GRIA2: variants seen among roughly 807,000 people sequenced by gnomAD.
GRIA2 encodes glutamate ionotropic receptor AMPA type subunit 2, also known as glutamate receptor 2.
In GRIA2, 14 loss-of-function variants were observed where a neutral mutation model predicts 97.3. The observed-to-expected ratio is 0.14, with a 90% CI of 0.10 to 0.23. The LOEUF is 0.23. GRIA2 is among the 10% of genes least tolerant of loss of function. The pLI, the probability that GRIA2 is intolerant of heterozygous loss-of-function variation, is 1.00. For synonymous variants in GRIA2, 412 were observed against 387.8 expected (o/e 1.06, Z -0.73); for missense variants, 558 against 1,069.8 (o/e 0.52, Z 6.67).
chr4:157,362,667 T>G (rs113305452), intron 14 of GRIA2, 132 bp from the exon 15 acceptor site: 1 of 775,774 alleles, frequency 1.3e-6, no homozygotes. Context: ...TAAGAGAAAA[T>G]CCATTGTTTC....
In GRIA2 at chr4:157,362,865, G is replaced by A; in HGVS notation, c.2473G>A (p.Gly825Ser). ...ATTCTACATCCTTGTCGGGGGCCTT[G>A]GTTTGGCAATGCTGGTGGCTTTGAT... ...GVFYILVGGLGLAMLVALIEF... is the reference protein window; with the variant it reads ...GVFYILVGGLSLAMLVALIEF... The change falls in exon 15 of 16, where the codon GGT (glycine) becomes AGT (serine). Residue 825 changes from glycine to serine, a missense_variant. Coordinates refer to ENST00000264426, the MANE Select transcript of GRIA2 (RefSeq NM_001083619.3). 1 of 1,613,520 alleles carries A rather than the reference G, an allele frequency of 6.2e-7. No homozygotes were observed. The highest frequency in any genetic ancestry group is 1.1e-5 in the South Asian group (1 of 91,066).
chr4:157,239,457 G>T (rs1730399946), intron 2 of GRIA2, among the ~76,000 whole-genome samples: 1 of 151,956 alleles, frequency 6.6e-6, no homozygotes, highest in African/African-American at 2.4e-5. Context: ...AAAAGAACTT[G>T]CCTCTGCCAA....
Position 157,312,683 on chromosome 4 carries a change from A to T in GRIA2, c.474A>T (p.Leu158Phe). ...CATTTTTCTTTGCCTTCCTAGGCTT[A>T]TCAACACTGCAAGCTGTGCTGGATT... ...FAYLYDSDRG[L>F]STLQAVLDSA... The change falls in exon 4 of 16, where the codon TTA becomes TTT. Residue 158 changes from leucine to phenylalanine, a missense_variant. Around this residue, in one of 8 missense-constraint regions of GRIA2, gnomAD observed 173 missense variants for 209.1 expected, o/e 0.83. Transcript: ENST00000264426. 6.3e-7 allele frequency: 1 copy of T among 1,584,860 alleles called. No homozygotes were observed. The highest frequency in any genetic ancestry group is 1.1e-5 in the South Asian group (1 of 87,394).
Position 157,341,257 on chromosome 4 carries a change from T to A in GRIA2, c.1845-7T>A. ...ACTTTACAAATCCATTTCATACTTG[T>A]TATTAGATCCCTCTCTGGGCGCATT... On this transcript the variant is annotated splice_region_variant and splice_polypyrimidine_tract_variant and intron_variant, in intron 11 of 15. Transcript: ENST00000264426. The A allele has an allele frequency of 6.3e-7, 1 of 1,597,584 alleles. No individual in the cohort carries two copies. The highest frequency in any genetic ancestry group is 8.6e-7 in the Non-Finnish European group (1 of 1,165,324).
chr4:157,285,449 C>T (rs1052216633), intron 2 of GRIA2, among the ~76,000 whole-genome samples: 6 of 151,470 alleles, frequency 4.0e-5, no homozygotes, highest in Non-Finnish European at 8.9e-5. Context: ...CTGTGTCTTG[C>T]TTACACTACC....
chr4:157,249,190 C>T (rs1245072090), intron 2 of GRIA2, among the ~76,000 whole-genome samples: 1 of 152,060 alleles, frequency 6.6e-6, no homozygotes, highest in African/African-American at 2.4e-5. Context: ...GGATAAAACA[C>T]AGCCACCAGG....
At chr4:157,242,153 T>A (rs1055979001) in intron 2 of GRIA2, among the ~76,000 whole-genome samples, 1 of 152,134 alleles carries the variant, frequency 6.6e-6, no homozygotes, top group African/African-American at 2.4e-5. Flanking sequence ...GCATATGGTT[T>A]TGAATTTTAA....
chr4:157,231,784 G>A (rs1009884818), intron 2 of GRIA2, among the ~76,000 whole-genome samples: 1 of 151,770 alleles, frequency 6.6e-6, no homozygotes, highest in Non-Finnish European at 1.5e-5. Context: ...TATTATACTG[G>A]TATTATATTT....
At chr4:157,340,771 C>T (rs904976118) in intron 11 of GRIA2, among the ~76,000 whole-genome samples, 7 of 151,590 alleles carry the variant, frequency 4.6e-5, no homozygotes, top group African/African-American at 1.5e-4. Context: ...AAATTTGAGG[C>T]CTTTTTTGTT....
intron 2 of GRIA2, among the ~76,000 whole-genome samples, chr4:157,248,757 T>C (rs1166264986): frequency 4.6e-5 from 6 of 130,816 alleles, no homozygotes; most frequent in Non-Finnish European, 1.6e-5. Context: ...ATACCGACCA[T>C]GGCAGAGAAT....
At chr4:157,306,330 A>C (rs1430955596) in intron 3 of GRIA2, among the ~76,000 whole-genome samples, 1 of 152,190 alleles carries the variant, frequency 6.6e-6, no homozygotes, top group African/African-American at 2.4e-5. Context: ...TAGCCTGTGA[A>C]GATGGATGGA....
At chr4:157,335,431 C>A in intron 9 of GRIA2, 2 of 502,326 alleles carry the variant, frequency 4.0e-6, no homozygotes, top group Non-Finnish European at 7.2e-6. Flanking sequence ...TTTTGAGTAT[C>A]TTGTTAACTC....
intron 12 of GRIA2, among the ~76,000 whole-genome samples, chr4:157,358,085 C>T (rs1011679459): frequency 6.6e-6 from 1 of 151,994 alleles, no homozygotes; most frequent in Non-Finnish European, 1.5e-5. Flanking sequence ...GTGATATTGA[C>T]GTCATGTTTT....
chr4:157,358,137 G>T (rs757231983), intron 12 of GRIA2, among the ~76,000 whole-genome samples: 21 of 152,112 alleles, frequency 1.4e-4, no homozygotes, highest in Non-Finnish European at 2.2e-4. Context: ...GGTTTAGCCA[G>T]ATTGCTTCCT....
intron 2 of GRIA2, among the ~76,000 whole-genome samples, chr4:157,256,056 A>ATG (rs1731226952): frequency 6.7e-6 from 1 of 149,162 alleles, no homozygotes; most frequent in South Asian, 2.1e-4. Context: ...TACTGTGTAT[A>ATG]TGTGTGTGTA....
intron 15 of GRIA2, 54 bp downstream of exon 15, chr4:157,363,101 G>A (rs1375536556): frequency 3.3e-6 from 5 of 1,517,776 alleles, no homozygotes; most frequent in African/African-American, 1.4e-5. Context: ...CTTTCTTGTT[G>A]CGTCCTTAAG....
chr4:157,279,273 A>G (rs921002139), intron 2 of GRIA2, among the ~76,000 whole-genome samples: 3 of 152,180 alleles, frequency 2.0e-5, no homozygotes, highest in African/African-American at 7.2e-5. Flanking sequence ...ATCACTAAAA[A>G]GAACTATCAA....
Position 157,363,466 on chromosome 4 carries a change from C to A in GRIA2, c.*35C>A. ...TTGAATGATGCCATGAGGAACAAGG[C>A]AAGGCTGTCAATTACAGGAAGTACT... On this transcript the variant is annotated 3_prime_UTR_variant, in exon 16 of 16. Transcript: ENST00000264426. 1 of 1,241,122 alleles carries A rather than the reference C, an allele frequency of 8.1e-7. No individual in the cohort carries two copies. Among genetic ancestry groups the A allele is most frequent in the South Asian group, 3.9e-5 (1 of 25,354 alleles). 76.9% of individuals were successfully genotyped at this position (1,241,122 alleles called of 1,614,324 possible). A position where few individuals can be genotyped will look rare whatever the true frequency, so the allele number is the denominator to read the frequency against.
chr4:157,290,115 G>C (rs185517396), intron 2 of GRIA2, among the ~76,000 whole-genome samples: 1 of 151,730 alleles, frequency 6.6e-6, no homozygotes, highest in Admixed American at 6.6e-5. Flanking sequence ...AAAGAATAAT[G>C]GTTATAGAAA....
Sources: allele counts gnomAD v4.1 joint callset (sites outside exome capture counted in the v4.1 genomes callset), GRCh38; gene constraint gnomAD v4.1.1; regional missense constraint gnomAD v4.1.1; transcripts MANE v1.5; gene names NCBI Gene and HGNC (gene_info 2026-07-23, HGNC 2026-07-21).